The following FSTL5 variants were observed in gnomAD, a reference collection of about 807,000 sequenced individuals.
FSTL5 encodes follistatin-related protein 5.
In FSTL5, 62 loss-of-function variants were observed where a neutral mutation model predicts 89.1. That is an observed-to-expected ratio of 0.70 (90% CI 0.57 to 0.86). The LOEUF (loss-of-function observed/expected upper bound fraction) is 0.86, where lower values mean the gene tolerates loss of function less well. FSTL5 is among the 40% of genes least tolerant of loss of function. The pLI is 0.00. For synonymous variants in FSTL5, 383 were observed against 346.2 expected (o/e 1.11, Z -1.18); for missense variants, 1,057 against 1,001.6 (o/e 1.06, Z -0.75).
chr4:161,450,825 A>C (rs1284734705), intron 15 of FSTL5, among the ~76,000 whole-genome samples: 3 of 149,522 alleles, frequency 2.0e-5, no homozygotes, highest in African/African-American at 7.4e-5. Flanking sequence ...TTACTGCAAG[A>C]TCCACCCTCC....
At chr4:161,629,106 G>C (rs2126653734) in intron 7 of FSTL5, among the ~76,000 whole-genome samples, 1 of 152,206 alleles carries the variant, frequency 6.6e-6, no homozygotes, top group East Asian at 1.9e-4. Flanking sequence ...TCCCTGAAGA[G>C]CAGTGATTTT....
At chr4:162,029,546 T>C (rs1737436461) in intron 3 of FSTL5, among the ~76,000 whole-genome samples, 1 of 152,148 alleles carries the variant, frequency 6.6e-6, no homozygotes, top group Admixed American at 6.5e-5. Flanking sequence ...AGATGAATCA[T>C]ATCAAGGGAG....
At chr4:161,599,372 G>T (rs1248673917) in intron 7 of FSTL5, among the ~76,000 whole-genome samples, 1 of 152,062 alleles carries the variant, frequency 6.6e-6, no homozygotes, top group Admixed American at 6.6e-5. Flanking sequence ...AAACCAATCT[G>T]TAAAATATAA....
At chr4:161,819,080 G>T (rs900617128) in intron 4 of FSTL5, among the ~76,000 whole-genome samples, 1 of 151,990 alleles carries the variant, frequency 6.6e-6, no homozygotes, top group Non-Finnish European at 1.5e-5. Flanking sequence ...TCTAAATATT[G>T]ATGCCTATGG....
intron 3 of FSTL5, among the ~76,000 whole-genome samples, chr4:162,013,514 T>A (rs1263509938): frequency 6.6e-6 from 1 of 152,122 alleles, no homozygotes; most frequent in Non-Finnish European, 1.5e-5. Flanking sequence ...ACATTCTTTC[T>A]AAAGGAAAAA....
chr4:162,089,656 A>AAAAAAG (rs1561012753), intron 2 of FSTL5, among the ~76,000 whole-genome samples: 6 of 136,478 alleles, frequency 4.4e-5, no homozygotes, highest in African/African-American at 1.0e-4. Context: ...AAAAAGAAAA[A>AAAAAAG]AAAGAAAGAA....
chr4:161,781,715 A>G (rs1008567439), intron 4 of FSTL5, among the ~76,000 whole-genome samples: 19 of 152,192 alleles, frequency 1.2e-4, no homozygotes, highest in African/African-American at 4.3e-4. Flanking sequence ...ATCGATGAAC[A>G]AATATTGAAT....
At position 161,920,556 on chromosome 4, in the gene FSTL5, T is replaced by A; in HGVS notation, c.257A>T (p.Glu86Val). 1.2e-6 allele frequency: 2 copies of A among 1,614,000 alleles called. No individual in the cohort carries two copies. Among genetic ancestry groups the A allele is most frequent in the Non-Finnish European group, 1.7e-6 (2 of 1,179,982 alleles). ...CVTSRETGQA[E>V]CACMDLCKRH... ...TTTGCAAAGGTCCATACAGGCACAT[T>A]CTGCTTGCCCTGTCTCTCTGCTGGT... Residue 86 changes from glutamate to valine, a missense_variant, in exon 4 of 16, where the codon GAA becomes GTA. Glu to Val is a moderately radical substitution (Grantham distance 121). This residue lies in a region of FSTL5 where 980 missense variants were observed against 903.2 expected (regional missense o/e 1.08). Coordinates refer to ENST00000306100, the MANE Select transcript of FSTL5 (RefSeq NM_020116.5).
intron 2 of FSTL5, among the ~76,000 whole-genome samples, chr4:162,037,733 G>C (rs1578973358): frequency 1.3e-5 from 2 of 151,962 alleles, no homozygotes; most frequent in South Asian, 4.1e-4. Context: ...GGACTGGAAA[G>C]AATGACAATA....
At chr4:161,872,365 T>C (rs922280142) in intron 4 of FSTL5, among the ~76,000 whole-genome samples, 1 of 152,098 alleles carries the variant, frequency 6.6e-6, no homozygotes, top group African/African-American at 2.4e-5. Context: ...AGTTGAAAAA[T>C]AAAATATATT....
At chr4:161,495,804 C>T (rs552846195) in intron 12 of FSTL5, among the ~76,000 whole-genome samples, 7 of 152,142 alleles carry the variant, frequency 4.6e-5, no homozygotes, top group African/African-American at 1.7e-4. Flanking sequence ...CATATTTAAT[C>T]CCTTTTCATG....
intron 7 of FSTL5, among the ~76,000 whole-genome samples, chr4:161,600,196 C>CACACACACACACACAA (rs1245000873): frequency 6.6e-6 from 1 of 150,640 alleles, no homozygotes; most frequent in Non-Finnish European, 1.5e-5. Context: ...CACACACACA[C>CACACACACACACACAA]ACAAACAGTA....
chr4:161,605,645 T>C (rs1246933277), intron 7 of FSTL5, among the ~76,000 whole-genome samples: 1 of 152,200 alleles, frequency 6.6e-6, no homozygotes, highest in African/African-American at 2.4e-5. Context: ...TGTCCTTGCA[T>C]GAAAGTTACT....
intron 3 of FSTL5, among the ~76,000 whole-genome samples, chr4:161,979,241 T>C (rs1444968726): frequency 6.6e-6 from 1 of 152,166 alleles, no homozygotes. Flanking sequence ...TGATGTGATA[T>C]ACACTGGTTC....
intron 4 of FSTL5, among the ~76,000 whole-genome samples, chr4:161,903,377 G>T: frequency 6.6e-6 from 1 of 151,744 alleles, no homozygotes; most frequent in East Asian, 1.9e-4. Context: ...TCTCTCCCAT[G>T]AAAATAAAAA....
At chr4:161,913,515 G>A (rs1733756289) in intron 4 of FSTL5, among the ~76,000 whole-genome samples, 1 of 152,184 alleles carries the variant, frequency 6.6e-6, no homozygotes, top group Non-Finnish European at 1.5e-5. Flanking sequence ...AAGAATTGAT[G>A]TTTGGGAACC....
intron 7 of FSTL5, among the ~76,000 whole-genome samples, chr4:161,593,331 A>G (rs935805022): frequency 6.6e-6 from 1 of 152,116 alleles, no homozygotes; most frequent in African/African-American, 2.4e-5. Context: ...CATATCTTAT[A>G]TATTTCTGGC....
In FSTL5 at chr4:161,490,880, C is replaced by A. The variant is rs557997647; in HGVS notation, c.1458+9136G>T. Among the ~76,000 whole-genome samples, 158 of 151,756 alleles carry A rather than the reference C, an allele frequency of 1.0e-3. 1 individual carries two copies. Among genetic ancestry groups the A allele is most frequent in the African/African-American group, 3.7e-3 (152 of 41,418 alleles). On this transcript the variant is annotated intron_variant, in intron 12 of 15. Coordinates refer to ENST00000306100, the MANE Select transcript of FSTL5 (RefSeq NM_020116.5). ...GACAAAGAATTGTTATACATGTATA[C>A]CATTGCTATGTTTTATCAATTAAAG...
intron 8 of FSTL5, among the ~76,000 whole-genome samples, chr4:161,574,348 T>TC (rs1252656051): frequency 6.6e-6 from 1 of 151,678 alleles, no homozygotes; most frequent in Non-Finnish European, 1.5e-5. Context: ...TTTTTTCTTT[T>TC]TTTTTTTTAA....
Sources: gnomAD v4.1 joint callset for allele counts (sites outside exome capture counted in the v4.1 genomes callset) on GRCh38, gnomAD v4.1.1 for gene constraint, gnomAD v4.1.1 regional missense constraint, MANE v1.5 for transcripts, NCBI Gene and HGNC (gene_info 2026-07-23, HGNC 2026-07-21) for gene names.